Variants in TNRC6B observed in about 807,000 individuals in gnomAD.
TNRC6B encodes trinucleotide repeat containing adaptor 6B, also known as trinucleotide repeat-containing gene 6B protein.
Under a neutral mutation model 203.6 loss-of-function variants are expected in TNRC6B, and 52 were observed. The observed-to-expected ratio is 0.26, with a 90% confidence interval of 0.20 to 0.32. The LOEUF (loss-of-function observed/expected upper bound fraction) is 0.32. Among genes scored for constraint, TNRC6B ranks in the 10% least tolerant of loss-of-function variants. The pLI, the probability that TNRC6B is intolerant of heterozygous loss-of-function variation, is 1.00. For synonymous variants in TNRC6B, 838 were observed against 845.7 expected (o/e 0.99, Z 0.16); for missense variants, 1,923 against 2,286.2 (o/e 0.84, Z 3.24).
intron 1 of TNRC6B, among the ~76,000 whole-genome samples, chr22:40,093,682 G>A (rs1847604323): frequency 6.6e-6 from 1 of 152,232 alleles, no homozygotes; most frequent in Non-Finnish European, 1.5e-5. Context: ...ATTATGAATG[G>A]AGAAAAGTAG....
chr22:40,215,740 C>G (rs891118496), intron 1 of TNRC6B, among the ~76,000 whole-genome samples: 2 of 152,116 alleles, frequency 1.3e-5, no homozygotes, highest in Admixed American at 6.5e-5. Flanking sequence ...AACTTTATGT[C>G]TAGTTAACAA....
At chr22:40,217,538 A>G (rs895265839) in intron 1 of TNRC6B, among the ~76,000 whole-genome samples, 4 of 152,174 alleles carry the variant, frequency 2.6e-5, no homozygotes, top group African/African-American at 4.8e-5. Flanking sequence ...GTGTACATTA[A>G]TTTCTTTTTA....
At chr22:40,304,637 G>A (rs765373592) in intron 15 of TNRC6B, among the ~76,000 whole-genome samples, 4 of 152,132 alleles carry the variant, frequency 2.6e-5, no homozygotes, top group Non-Finnish European at 5.9e-5. Flanking sequence ...AGATGGTAGC[G>A]AAAATTCTCA....
chr22:40,271,072 T>A (rs1319904835), intron 6 of TNRC6B, among the ~76,000 whole-genome samples: 1 of 152,212 alleles, frequency 6.6e-6, no homozygotes, highest in Non-Finnish European at 1.5e-5. Context: ...CACTTCAATT[T>A]TTTAAATGAA....
chr22:40,137,249 T>G (rs1021590317), intron 3 of TNRC6B, among the ~76,000 whole-genome samples: 1 of 152,192 alleles, frequency 6.6e-6, no homozygotes, highest in Non-Finnish European at 1.5e-5. Flanking sequence ...TTTCATGGAT[T>G]TTGGTATTCT....
chr22:40,306,315 A>G (rs1458921538), intron 15 of TNRC6B, among the ~76,000 whole-genome samples: 1 of 152,234 alleles, frequency 6.6e-6, no homozygotes, highest in Non-Finnish European at 1.5e-5. Flanking sequence ...AAAGAAAAAA[A>G]GAAATTTAAT....
intron 1 of TNRC6B, among the ~76,000 whole-genome samples, chr22:40,201,436 CTTTTTT>C (rs892959645): frequency 6.6e-6 from 1 of 151,032 alleles, no homozygotes; most frequent in South Asian, 2.1e-4. Context: ...TTTTCTTTTT[CTTTTTT>C]GTTTTTTTTT....
chr22:40,056,318 G>A (rs758198155), intron 1 of TNRC6B, among the ~76,000 whole-genome samples: 2 of 152,170 alleles, frequency 1.3e-5, no homozygotes, highest in Non-Finnish European at 2.9e-5. Flanking sequence ...ATTGACTTAC[G>A]GTAATGCCGA....
At chr22:40,132,969 A>AAAAAAAAAAATATATAT (rs1282694632) in intron 3 of TNRC6B, among the ~76,000 whole-genome samples, 21 of 78,136 alleles carry the variant, frequency 2.7e-4, no homozygotes, top group Non-Finnish European at 3.7e-4. Context: ...AAAAAAAAAA[A>AAAAAAAAAAATATATAT]ATATATATAT....
intron 4 of TNRC6B, among the ~76,000 whole-genome samples, chr22:40,165,603 C>G (rs2068912344): frequency 6.6e-6 from 1 of 152,158 alleles, no homozygotes; most frequent in South Asian, 2.1e-4. Context: ...AAAGAACTTC[C>G]TGAGACTGGG....
At chr22:40,074,079 A>C (rs1411819614) in intron 1 of TNRC6B, among the ~76,000 whole-genome samples, 1 of 151,468 alleles carries the variant, frequency 6.6e-6, no homozygotes, top group Non-Finnish European at 1.5e-5. Context: ...CAAAAAAAAA[A>C]AAAAAAGCCA....
chr22:40,229,834 C>A (rs1486331647), intron 1 of TNRC6B, among the ~76,000 whole-genome samples: 1 of 152,098 alleles, frequency 6.6e-6, no homozygotes, highest in Admixed American at 6.6e-5. Context: ...GTTGTATATT[C>A]CACCTTAATT....
At chr22:40,134,999 G>A (rs1056038837) in intron 3 of TNRC6B, among the ~76,000 whole-genome samples, 1 of 152,134 alleles carries the variant, frequency 6.6e-6, no homozygotes. Flanking sequence ...AGGCCCAATT[G>A]GCCAGAAATG....
intron 3 of TNRC6B, among the ~76,000 whole-genome samples, chr22:40,149,602 G>A (rs576323359): frequency 9.9e-5 from 15 of 151,368 alleles, no homozygotes; most frequent in East Asian, 3.9e-4. Flanking sequence ...CCCAGGAGGC[G>A]GAGGTTGCAG....
intron 3 of TNRC6B, among the ~76,000 whole-genome samples, chr22:40,137,918 G>A (rs2068613665): frequency 6.7e-6 from 1 of 149,946 alleles, no homozygotes; most frequent in African/African-American, 2.5e-5. Context: ...GGGAGGCAGA[G>A]GTTGCAGTGA....
intron 4 of TNRC6B, 32 bp downstream of exon 4, chr22:40,262,205 G>C (rs371023741): frequency 7.4e-7 from 1 of 1,345,992 alleles, no homozygotes; most frequent in Admixed American, 3.0e-5. Flanking sequence ...ATGCATGGCA[G>C]CTTGACAGAG....
intron 2 of TNRC6B, among the ~76,000 whole-genome samples, chr22:40,122,190 T>C (rs369102941): frequency 6.6e-6 from 1 of 152,204 alleles, no homozygotes. Context: ...GTCCTCCTTT[T>C]TAAAAGCTTA....
At chr22:40,076,887 C>T (rs1032513823) in intron 1 of TNRC6B, among the ~76,000 whole-genome samples, 6 of 151,702 alleles carry the variant, frequency 4.0e-5, no homozygotes, top group Admixed American at 2.6e-4. Context: ...TAGCTGGGTG[C>T]GGGGGTGTGC....
At chr22:40,143,509 G>T (rs978269790) in intron 3 of TNRC6B, among the ~76,000 whole-genome samples, 5 of 151,800 alleles carry the variant, frequency 3.3e-5, no homozygotes, top group Non-Finnish European at 2.9e-5. Flanking sequence ...TTTGTGGGGG[G>T]GATAGAGTCT....
Sources: allele counts gnomAD v4.1 joint callset (sites outside exome capture counted in the v4.1 genomes callset), GRCh38; gene constraint gnomAD v4.1.1; transcripts MANE v1.5; gene names NCBI Gene and HGNC (gene_info 2026-07-23, HGNC 2026-07-21).